THAP4: variants seen among roughly 807,000 people sequenced by gnomAD.
THAP4 encodes peroxynitrite isomerase THAP4.
THAP4 carries 18 observed loss-of-function variants against 48.1 expected under a neutral mutation model. The observed-to-expected ratio is 0.37, with a 90% confidence interval of 0.26 to 0.56. The LOEUF (loss-of-function observed/expected upper bound fraction) is 0.56. Among genes scored for constraint, THAP4 ranks in the 20% least tolerant of loss-of-function variants. The pLI is 0.78. For synonymous variants in THAP4, 345 were observed against 324.9 expected (o/e 1.06, Z -0.66); for missense variants, 656 against 774.9 (o/e 0.85, Z 1.82).
At chr2:241,636,439 G>A (rs1212123532) in intron 1 of THAP4, among the ~76,000 whole-genome samples, 1 of 152,190 alleles carries the variant, frequency 6.6e-6, no homozygotes, top group Non-Finnish European at 1.5e-5. Flanking sequence ...AGGGAGCGCA[G>A]GAGGATGCCG....
intron 2 of THAP4, among the ~76,000 whole-genome samples, chr2:241,613,532 T>A (rs929965720): frequency 6.6e-6 from 1 of 152,088 alleles, no homozygotes; most frequent in East Asian, 1.9e-4. Context: ...GGAGGGTGGA[T>A]TGCCTGAGCT....
At chr2:241,611,954 G>A (rs1406324209) in intron 2 of THAP4, among the ~76,000 whole-genome samples, 3 of 152,138 alleles carry the variant, frequency 2.0e-5, no homozygotes, top group Non-Finnish European at 2.9e-5. Flanking sequence ...CCAGGCTGGA[G>A]TGCAGTGGCA....
At chr2:241,594,834 G>A (rs2067028755) in intron 5 of THAP4, 1 of 173,722 alleles carries the variant, frequency 5.8e-6, no homozygotes, top group African/African-American at 2.4e-5. Context: ...CCCAGCTACT[G>A]AGGAGGCTGA....
chr2:241,591,384 C>G (rs1575017555), intron 5 of THAP4, among the ~76,000 whole-genome samples: 1 of 152,188 alleles, frequency 6.6e-6, no homozygotes, highest in Admixed American at 6.5e-5. Flanking sequence ...CGCAGCGTTA[C>G]AAGATTATAT....
At chr2:241,587,394 A>C (rs2125065140) in intron 5 of THAP4, among the ~76,000 whole-genome samples, 1 of 152,250 alleles carries the variant, frequency 6.6e-6, no homozygotes, top group Non-Finnish European at 1.5e-5. Context: ...CAGGGCTCTG[A>C]GACCTTTGGC....
At chr2:241,621,236 T>C (rs1244471066) in intron 2 of THAP4, among the ~76,000 whole-genome samples, 1 of 152,112 alleles carries the variant, frequency 6.6e-6, no homozygotes, top group Non-Finnish European at 1.5e-5. Context: ...TAATCCCATC[T>C]ACTCGGGAGG....
At chr2:241,584,847 A>G in intron 5 of THAP4, 122 bp from the exon 6 acceptor site, 9 of 1,282,966 alleles carry the variant, frequency 7.0e-6, no homozygotes, top group Non-Finnish European at 1.0e-5. Context: ...TGGCCCTGCC[A>G]GAGGAGGGTA....
chr2:241,621,041 A>G (rs1488342143), intron 2 of THAP4, among the ~76,000 whole-genome samples: 3 of 152,104 alleles, frequency 2.0e-5, no homozygotes, highest in African/African-American at 7.2e-5. Flanking sequence ...GAATTACCAC[A>G]CGGAGAAATT....
At position 241,594,589 on chromosome 2, in the gene THAP4, A is replaced by AAAC. The variant is rs554960592; in HGVS notation, c.1614+7304_1614+7306dup. On this transcript the variant is annotated intron_variant, in intron 5 of 5. Transcript: ENST00000407315. ...AAAATACAAAAAACAAAACAAAACA[A>AAAC]AACAACAACAACAACAACAAAAACC... is the stretch of plus-strand genomic sequence containing the variant. 7.3e-4 allele frequency: 261 copies of AAAC among 358,096 alleles called. 1 individual carries two copies. The highest frequency in any genetic ancestry group is 3.5e-3 in the African/African-American group (164 of 47,338). 22.2% of individuals were successfully genotyped at this position (358,096 alleles called of 1,614,324 possible). A position where few individuals can be genotyped will look rare whatever the true frequency, so the allele number is the denominator to read the frequency against.
chr2:241,613,743 A>G (rs2067305807), intron 2 of THAP4, among the ~76,000 whole-genome samples: 1 of 152,212 alleles, frequency 6.6e-6, no homozygotes, highest in South Asian at 2.1e-4. Context: ...TGACAGAGCG[A>G]GACCCTGTCT....
rs559358403 is a variant in THAP4 at position 241,625,917 on chromosome 2, A to G, written c.1240+7000T>C. ...GCGATTGAATAAAAAAAATGTATAA[A>G]AAGAATTATTTGCCATGACCCAGTG... On this transcript the variant is annotated intron_variant, in intron 2 of 5. Transcript: ENST00000407315. Among the ~76,000 whole-genome samples the G allele has an allele frequency of 9.2e-5, 14 of 152,340 alleles. No homozygotes were observed. In the East Asian group the frequency reaches 1.3e-3, roughly 15 times the overall value.
intron 2 of THAP4, among the ~76,000 whole-genome samples, chr2:241,615,752 C>T (rs1164888573): frequency 1.3e-5 from 2 of 152,364 alleles, no homozygotes; most frequent in African/African-American, 4.8e-5. Flanking sequence ...TCTCACCTCC[C>T]ACCTCTCCTC....
At chr2:241,615,098 A>AG (rs1241198380) in intron 2 of THAP4, among the ~76,000 whole-genome samples, 1 of 152,198 alleles carries the variant, frequency 6.6e-6, no homozygotes, top group Non-Finnish European at 1.5e-5. Context: ...GCGCGAAAAG[A>AG]AAGAAGCCAG....
chr2:241,623,358 T>C (rs566341081), intron 2 of THAP4, among the ~76,000 whole-genome samples: 4 of 152,266 alleles, frequency 2.6e-5, no homozygotes, highest in South Asian at 2.1e-4. Context: ...GCCAGGCAGA[T>C]AGCTTGAGCT....
chr2:241,623,157 C>T (rs2067455099), intron 2 of THAP4, among the ~76,000 whole-genome samples: 1 of 152,096 alleles, frequency 6.6e-6, no homozygotes, highest in Non-Finnish European at 1.5e-5. Context: ...TCGGAGGCTG[C>T]AGTGAGCCAA....
At chr2:241,604,236 AATTTATTT>A (rs201924569) in intron 3 of THAP4, among the ~76,000 whole-genome samples, 4 of 150,278 alleles carry the variant, frequency 2.7e-5, no homozygotes, top group African/African-American at 9.9e-5. Flanking sequence ...ACACCCGGCT[AATTTATTT>A]ATTTATTTAT....
intron 5 of THAP4, among the ~76,000 whole-genome samples, chr2:241,591,198 T>C: frequency 1.3e-5 from 2 of 151,904 alleles, no homozygotes; most frequent in Admixed American, 6.6e-5. Flanking sequence ...CGGCTGATGA[T>C]GATGGGCACT....
intron 5 of THAP4, among the ~76,000 whole-genome samples, chr2:241,599,034 T>C: frequency 6.6e-6 from 1 of 152,024 alleles, no homozygotes. Context: ...GGTGGGTCAC[T>C]TGAGATCAGG....
chr2:241,598,353 A>T (rs1189118207), intron 5 of THAP4, among the ~76,000 whole-genome samples: 1 of 152,222 alleles, frequency 6.6e-6, no homozygotes, highest in East Asian at 1.9e-4. Context: ...GCCTGTGAAT[A>T]ACTCCAATAC....
Sources: gnomAD v4.1 joint callset for allele counts (sites outside exome capture counted in the v4.1 genomes callset) on GRCh38, gnomAD v4.1.1 for gene constraint, MANE v1.5 for transcripts, NCBI Gene and HGNC (gene_info 2026-07-23, HGNC 2026-07-21) for gene names.